Variants in CAMK2B observed in about 807,000 individuals in gnomAD.
CAMK2B encodes the protein calcium/calmodulin dependent protein kinase II beta.
CAMK2B carries 27 observed loss-of-function variants against 93.7 expected under a neutral mutation model. The ratio of observed to expected loss-of-function variants is 0.29; its 90% CI spans 0.21 to 0.40. CAMK2B has a LOEUF of 0.40. Among genes scored for constraint, CAMK2B ranks in the 10% least tolerant of loss-of-function variants. The pLI is 1.00. For synonymous variants in CAMK2B, 374 were observed against 358.8 expected (o/e 1.04, Z -0.48); for missense variants, 568 against 895.8 (o/e 0.63, Z 4.67).
rs1164227136 is a variant in CAMK2B at position 44,311,969 on chromosome 7, C to T, written c.65+13388G>A. Among the ~76,000 whole-genome samples, 2 of 152,238 alleles carry T rather than the reference C, an allele frequency of 1.3e-5. No individual in the cohort carries two copies. Among genetic ancestry groups the T allele is most frequent in the Non-Finnish European group, 1.5e-5 (1 of 68,042 alleles). On this transcript the variant is annotated intron_variant, in intron 1 of 23. Transcript: ENST00000395749. This position sits in a 1 kb window ranked among gnomAD's most constrained non-coding sequence, Gnocchi z 4.2. Reference sequence around the variant, plus strand: ...ATGAGGCACAGGCCCATCCTCACCACGGAGTCACGCCTGCTGGAGACTTTC... The same window carrying T: ...ATGAGGCACAGGCCCATCCTCACCATGGAGTCACGCCTGCTGGAGACTTTC...
chr7:44,221,779 G>A (rs927531814), intron 20 of CAMK2B, among the ~76,000 whole-genome samples: 3 of 152,356 alleles, frequency 2.0e-5, no homozygotes, highest in East Asian at 1.9e-4. Flanking sequence ...CCTCCGGGGC[G>A]CTCACTGGCA....
At chr7:44,285,315 C>T (rs568078753) in intron 1 of CAMK2B, among the ~76,000 whole-genome samples, 2 of 152,340 alleles carry the variant, frequency 1.3e-5, no homozygotes, top group Non-Finnish European at 2.9e-5. Flanking sequence ...AAAGGGCCAG[C>T]GGATGCTCTC....
intron 1 of CAMK2B, among the ~76,000 whole-genome samples, chr7:44,310,086 C>G (rs1243795512): frequency 6.6e-6 from 1 of 152,222 alleles, no homozygotes; most frequent in African/African-American, 2.4e-5. Flanking sequence ...GGGGCGGGGG[C>G]GCTTTGGGAG....
intron 18 of CAMK2B, 166 bp downstream of exon 18, chr7:44,229,222 C>T (rs1240361567): frequency 8.2e-6 from 5 of 611,132 alleles, no homozygotes; most frequent in Admixed American, 3.1e-5. Flanking sequence ...AGAGGTGGGG[C>T]TCGATGGGCT....
chr7:44,243,494 C>T lies in CAMK2B; in HGVS notation c.448G>A (p.Gly150Arg). The T allele has an allele frequency of 6.2e-7, 1 of 1,614,092 alleles. No homozygotes were observed. The highest frequency in any genetic ancestry group is 8.5e-7 in the Non-Finnish European group (1 of 1,180,006). ...ENLLLASKCKGAAVKLADFGL... is the reference protein window; with the variant it reads ...ENLLLASKCKRAAVKLADFGL... The stretch of plus-strand genomic sequence containing the variant: ...AAGTCTGCCAGCTTCACTGCAGCCC[C>T]TTTGCACTTGCTGGCCAGAAGCAGG... Residue 150 changes from glycine (G) to arginine (R), a missense_variant, in exon 7 of 24, where the codon GGG becomes AGG. Physicochemically the swap from Gly to Arg is moderately radical, Grantham distance 125 (BLOSUM62 -2). Coordinates refer to ENST00000395749, the MANE Select transcript of CAMK2B (RefSeq NM_001220.5).
At chr7:44,322,812 G>C (rs1487931684) in intron 1 of CAMK2B, among the ~76,000 whole-genome samples, 1 of 152,256 alleles carries the variant, frequency 6.6e-6, no homozygotes, top group South Asian at 2.1e-4. Context: ...CGTCACACAT[G>C]AGCAGCTGTG....
chr7:44,242,664 G>C lies in CAMK2B; in HGVS notation c.602-10C>G. The C allele has an allele frequency of 6.3e-7, 1 of 1,596,622 alleles. No individual in the cohort carries two copies. Among genetic ancestry groups the C allele is most frequent in the Non-Finnish European group, 8.6e-7 (1 of 1,168,548 alleles). On this transcript the variant is annotated splice_polypyrimidine_tract_variant and intron_variant, in intron 8 of 23. Coordinates refer to ENST00000395749, the MANE Select transcript of CAMK2B (RefSeq NM_001220.5). Reference sequence around the variant, plus strand: ...ATGTACAGGATCACCCCTGCGGATGGGGCCTGTGAGCACCGCAGCCACTTG... The same window carrying C: ...ATGTACAGGATCACCCCTGCGGATGCGGCCTGTGAGCACCGCAGCCACTTG...
intron 3 of CAMK2B, among the ~76,000 whole-genome samples, chr7:44,262,727 A>G (rs7812286): frequency 0.33 from 50,519 of 151,868 alleles, 8,958 homozygotes; most frequent in Non-Finnish European, 0.4. Flanking sequence ...GTGGGATGGG[A>G]AAGGGACCTG....
At chr7:44,301,597 T>G (rs1358413027) in intron 1 of CAMK2B, among the ~76,000 whole-genome samples, 1 of 151,974 alleles carries the variant, frequency 6.6e-6, no homozygotes, top group African/African-American at 2.4e-5. Context: ...GCCAACATGG[T>G]GAAACCCTGT....
At chr7:44,273,469 C>G (rs115569968) in intron 2 of CAMK2B, among the ~76,000 whole-genome samples, 1 of 152,174 alleles carries the variant, frequency 6.6e-6, no homozygotes, top group Non-Finnish European at 1.5e-5. Context: ...AGGAAAACAA[C>G]GGTGGCCCCC....
At position 44,311,969 on chromosome 7, in the gene CAMK2B, C is replaced by G. The variant is rs1164227136; in HGVS notation, c.65+13388G>C. Among the ~76,000 whole-genome samples the G allele has an allele frequency of 3.3e-5, 5 of 152,238 alleles. No homozygotes were observed. Among genetic ancestry groups the G allele is most frequent in the Admixed American group, 3.3e-4 (5 of 15,290 alleles). ...ATGAGGCACAGGCCCATCCTCACCA[C>G]GGAGTCACGCCTGCTGGAGACTTTC... On this transcript the variant is annotated intron_variant, in intron 1 of 23. Transcript: ENST00000395749. This position sits in a 1 kb window ranked among gnomAD's most constrained non-coding sequence, Gnocchi z 4.2.
intron 2 of CAMK2B, among the ~76,000 whole-genome samples, chr7:44,275,776 G>A (rs1461267383): frequency 6.6e-6 from 1 of 152,068 alleles, no homozygotes. Flanking sequence ...GCAGGCATGC[G>A]GTGCCCCCAC....
rs945556869 is a variant in CAMK2B, at chr7:44,267,836, G to A, written c.161-4772C>T. ...AAAAGATCAGGCTAAACCGGAGCCT[G>A]CAATTATCCGCCTGCCTGCTTAATT... On this transcript the variant is annotated intron_variant, in intron 2 of 23. Transcript: ENST00000395749. 7.2e-5 allele frequency among the ~76,000 whole-genome samples: 11 copies of A among 152,360 alleles called. No individual in the cohort carries two copies. The East Asian group carries it at 1.7e-3, about 24-fold the overall frequency.
intron 1 of CAMK2B, 21 bp downstream of exon 1, chr7:44,325,336 C>G (rs1173035258): frequency 4.1e-6 from 5 of 1,225,334 alleles, no homozygotes; most frequent in Non-Finnish European, 5.2e-6. Context: ...CGGCCCAGCC[C>G]GCGCGCGCCG....
intron 20 of CAMK2B, among the ~76,000 whole-genome samples, chr7:44,223,429 C>A (rs2075067): frequency 0.16 from 24,013 of 152,098 alleles, 2,031 homozygotes; most frequent in African/African-American, 0.21. Flanking sequence ...GATCCAGAAG[C>A]CCCTTCCCCT....
intron 1 of CAMK2B, among the ~76,000 whole-genome samples, chr7:44,296,262 G>T (rs1178204021): frequency 1.3e-5 from 2 of 152,038 alleles, no homozygotes; most frequent in Non-Finnish European, 2.9e-5. Flanking sequence ...TAAAGAGATG[G>T]AAGTTACAAT....
intron 1 of CAMK2B, among the ~76,000 whole-genome samples, chr7:44,313,966 G>T (rs760456785): frequency 6.6e-6 from 1 of 152,010 alleles, no homozygotes; most frequent in African/African-American, 2.4e-5. Flanking sequence ...CCGCATTTCT[G>T]CTGGGGTCCT....
At chr7:44,242,713 C>A (rs2096692566) in intron 8 of CAMK2B, 59 bp from the exon 9 acceptor site, 1 of 1,204,692 alleles carries the variant, frequency 8.3e-7, no homozygotes, top group Non-Finnish European at 1.2e-6. Flanking sequence ...TCCATGAAGC[C>A]CATGCCCTGC....
chr7:44,254,510 G>C (rs374545463), intron 5 of CAMK2B, 32 bp downstream of exon 5: 37 of 1,532,390 alleles, frequency 2.4e-5, no homozygotes, highest in Non-Finnish European at 3.3e-5. Flanking sequence ...TAAAGGAAGA[G>C]GGACAGGACA....
Sources: allele counts gnomAD v4.1 joint callset (sites outside exome capture counted in the v4.1 genomes callset), GRCh38; gene constraint gnomAD v4.1.1; non-coding constraint Gnocchi (gnomAD v3.1); transcripts MANE v1.5; gene names NCBI Gene and HGNC (gene_info 2026-07-23, HGNC 2026-07-21).